DNAH11: variants seen among roughly 807,000 people sequenced by gnomAD.
The protein encoded by DNAH11 is dynein axonemal heavy chain 11, also known as axonemal beta dynein heavy chain 11.
In DNAH11, 442 loss-of-function variants were observed where a neutral mutation model predicts 526.0. That is an observed-to-expected ratio of 0.84 (90% CI 0.78 to 0.91). The LOEUF (loss-of-function observed/expected upper bound fraction) is 0.91, where lower values mean the gene tolerates loss of function less well. Among genes scored for constraint, DNAH11 ranks in the 40% least tolerant of loss-of-function variants. The pLI is 0.00. For synonymous variants in DNAH11, 2,461 were observed against 1,935.9 expected (o/e 1.27, Z -7.12); for missense variants, 6,989 against 5,448.7 (o/e 1.28, Z -8.90).
chr7:21,817,612 G>A (rs1462631718), intron 64 of DNAH11, among the ~76,000 whole-genome samples: 1 of 151,028 alleles, frequency 6.6e-6, no homozygotes, highest in African/African-American at 2.4e-5. Context: ...AGGATCACTT[G>A]AGCCCAGGAG....
chr7:21,881,216 AT>A (rs1255442577), intron 75 of DNAH11, among the ~76,000 whole-genome samples: 1 of 152,238 alleles, frequency 6.6e-6, no homozygotes, highest in Non-Finnish European at 1.5e-5. Context: ...GTAATGAAGC[AT>A]TTGCACAAAT....
At chr7:21,845,875 C>T (rs771597244) in intron 66 of DNAH11, among the ~76,000 whole-genome samples, 2 of 152,136 alleles carry the variant, frequency 1.3e-5, no homozygotes, top group Non-Finnish European at 2.9e-5. Context: ...CATCAACATG[C>T]AATATCTCTC....
Position 21,571,853 on chromosome 7 carries a change from A to G in DNAH11, c.1473A>G (p.Glu491=), listed in dbSNP as rs1383340872. 6.2e-7 allele frequency: 1 copy of G among 1,613,088 alleles called. No homozygotes were observed. Among genetic ancestry groups the G allele is most frequent in the Non-Finnish European group, 8.5e-7 (1 of 1,179,536 alleles). Residue 491 remains glutamate, a synonymous_variant, in exon 8 of 82, where the codon GAA becomes GAG. Coordinates refer to ENST00000409508, the MANE Select transcript of DNAH11 (RefSeq NM_001277115.2). ...TLEFEKLERL[E]FGGTKGAILN... is the part of the protein sequence containing the mutation. ...AATTTGAAAAGCTGGAAAGACTGGA[A>G]TTTGGTGGTACCAAAGGAGCAATTT...
chr7:21,786,534 T>TCCA, intron 58 of DNAH11, 90 bp from the exon 59 acceptor site: 1 of 1,423,588 alleles, frequency 7.0e-7, no homozygotes, highest in Non-Finnish European at 9.4e-7. Flanking sequence ...GAAGTGGGAG[T>TCCA]CCACTAAAGC....
intron 65 of DNAH11, among the ~76,000 whole-genome samples, chr7:21,830,426 C>G (rs1372108415): frequency 6.6e-6 from 1 of 152,190 alleles, no homozygotes; most frequent in Non-Finnish European, 1.5e-5. Flanking sequence ...GTGCTCTGAA[C>G]TGTGTCTGTT....
At chr7:21,553,911 A>AT (rs201546758) in intron 2 of DNAH11, among the ~76,000 whole-genome samples, 19,396 of 150,814 alleles carry the variant, frequency 0.13, 1,335 homozygotes, top group Non-Finnish European at 0.16. Context: ...ATCCTTTGTA[A>AT]TTTTTTTTTA....
chr7:21,677,116 A>T (rs1196843265), intron 30 of DNAH11, among the ~76,000 whole-genome samples: 4 of 152,224 alleles, frequency 2.6e-5, no homozygotes, highest in Non-Finnish European at 5.9e-5. Flanking sequence ...TTAAACATTT[A>T]ACTACTTTTT....
At chr7:21,583,832 C>T (rs1203291438) in intron 9 of DNAH11, among the ~76,000 whole-genome samples, 1 of 152,184 alleles carries the variant, frequency 6.6e-6, no homozygotes. Context: ...AAAAAAAGCT[C>T]ATCATCACTG....
chr7:21,654,490 A>G (rs949391849), intron 28 of DNAH11, among the ~76,000 whole-genome samples: 5 of 152,118 alleles, frequency 3.3e-5, no homozygotes, highest in Non-Finnish European at 5.9e-5. Flanking sequence ...TCATCATTTG[A>G]TGGACATTTA....
intron 44 of DNAH11, among the ~76,000 whole-genome samples, chr7:21,724,475 G>T (rs1028848214): frequency 6.6e-6 from 1 of 152,216 alleles, no homozygotes; most frequent in African/African-American, 2.4e-5. Flanking sequence ...AAAAATCACG[G>T]TTGAAGTCAT....
chr7:21,568,749 G>T (rs953133725), intron 6 of DNAH11, among the ~76,000 whole-genome samples: 5 of 152,126 alleles, frequency 3.3e-5, no homozygotes, highest in Admixed American at 3.3e-4. Flanking sequence ...GGTAACAGGG[G>T]GCTGCTGAAG....
At chr7:21,678,173 T>A (rs1236961731) in intron 30 of DNAH11, among the ~76,000 whole-genome samples, 1 of 137,148 alleles carries the variant, frequency 7.3e-6, no homozygotes, top group Non-Finnish European at 1.5e-5. Flanking sequence ...CTTTTCCCAC[T>A]TTTTTTTTTT....
At chr7:21,640,919 T>C (rs754688628) in intron 28 of DNAH11, among the ~76,000 whole-genome samples, 1 of 152,162 alleles carries the variant, frequency 6.6e-6, no homozygotes, top group Non-Finnish European at 1.5e-5. Context: ...TTGTCCTTTC[T>C]TAATGACCGC....
intron 51 of DNAH11, among the ~76,000 whole-genome samples, chr7:21,745,709 CAA>C (rs375218478): frequency 2.7e-4 from 41 of 152,238 alleles, no homozygotes; most frequent in Middle Eastern, 3.4e-3. Context: ...AACAACTAAA[CAA>C]GAGAATAAGC....
At position 21,687,261 on chromosome 7, in the gene DNAH11, T is replaced by G. The variant is rs1383655888; in HGVS notation, c.5778+6T>G. ...CAGAGCAAATGGACTACAAAGTAAG[T>G]TAGTAAGAGAATAATGTGTAAAACT... is the stretch of plus-strand genomic sequence containing the variant. On this transcript the variant is annotated splice_donor_region_variant and intron_variant, in intron 33 of 81. Transcript: ENST00000409508. The G allele has an allele frequency of 6.4e-7, 1 of 1,571,674 alleles. No individual in the cohort carries two copies. The highest frequency in any genetic ancestry group is 1.4e-5 in the African/African-American group (1 of 73,416).
intron 32 of DNAH11, among the ~76,000 whole-genome samples, chr7:21,685,278 C>T (rs1783326074): frequency 6.6e-6 from 1 of 152,064 alleles, no homozygotes; most frequent in Non-Finnish European, 1.5e-5. Flanking sequence ...GTACGCATGC[C>T]ATTGTCAATA....
intron 65 of DNAH11, 92 bp downstream of exon 65, chr7:21,818,431 A>G (rs1405342976): frequency 1.4e-6 from 2 of 1,397,636 alleles, no homozygotes; most frequent in African/African-American, 1.5e-5. Flanking sequence ...GTCTATTGAA[A>G]TCTTAGTGAT....
At chr7:21,655,439 A>G (rs576154741) in intron 28 of DNAH11, among the ~76,000 whole-genome samples, 1 of 152,294 alleles carries the variant, frequency 6.6e-6, no homozygotes, top group South Asian at 2.1e-4. Context: ...CATTTCAGAC[A>G]TTTTAATAGC....
At position 21,707,825 on chromosome 7, in the gene DNAH11, A is replaced by G. The variant is rs1430873514; in HGVS notation, c.6673A>G (p.Lys2225Glu). 9 of 1,596,438 alleles carry G rather than the reference A, an allele frequency of 5.6e-6. No individual in the cohort carries two copies. The highest frequency in any genetic ancestry group is 6.8e-6 in the Non-Finnish European group (8 of 1,172,714). Residue 2225 changes from lysine to glutamate, a missense_variant, in exon 40 of 82, where the codon AAA becomes GAA. Physicochemically the swap from Lys to Glu is moderately conservative, Grantham distance 56. Transcript: ENST00000409508. ...CATACATCATGCTACCCGAGAATGG[A>G]AAGATGGCAAGTAGTATTTCCCCTT... ...GFIHHATREW[K>E]DGKIVYSYFI...
Sources: gnomAD v4.1 joint callset for allele counts (sites outside exome capture counted in the v4.1 genomes callset) on GRCh38, gnomAD v4.1.1 for gene constraint, MANE v1.5 for transcripts, NCBI Gene and HGNC (gene_info 2026-07-23, HGNC 2026-07-21) for gene names.